The following SLC39A9 variants were observed in gnomAD, a reference collection of about 807,000 sequenced individuals.
SLC39A9 encodes the protein zinc transporter ZIP9.
Under a neutral mutation model 28.4 loss-of-function variants are expected in SLC39A9, and 14 were observed. That is an observed-to-expected ratio of 0.49 (90% CI 0.33 to 0.77). SLC39A9 has a LOEUF of 0.77. Among genes scored for constraint, SLC39A9 ranks in the 30% least tolerant of loss-of-function variants. The pLI is 0.02. For missense variants in SLC39A9, 283 were observed against 381.1 expected (o/e 0.74, Z 2.14); for synonymous variants, 119 against 149.6 (o/e 0.80, Z 1.49).
At chr14:69,411,589 A>T (rs1449276110) in intron 1 of SLC39A9, among the ~76,000 whole-genome samples, 1 of 152,166 alleles carries the variant, frequency 6.6e-6, no homozygotes, top group Non-Finnish European at 1.5e-5. Flanking sequence ...GTAGTTCTCC[A>T]TTTAAATAAA....
At chr14:69,408,491 G>T (rs1164575155) in intron 1 of SLC39A9, among the ~76,000 whole-genome samples, 1 of 152,200 alleles carries the variant, frequency 6.6e-6, no homozygotes, top group Non-Finnish European at 1.5e-5. Flanking sequence ...ATATATGGCA[G>T]CTGACCTTCA....
chr14:69,399,448 G>T lies in SLC39A9; in HGVS notation c.79G>T (p.Ala27Ser). Residue 27 changes from alanine (A) to serine (S), a missense_variant, in exon 1 of 7, where the codon GCT (alanine) becomes TCT (serine). Physicochemically the swap from Ala to Ser is moderately conservative, Grantham distance 99. Coordinates refer to ENST00000336643, the MANE Select transcript of SLC39A9 (RefSeq NM_018375.5). ...TTACGTGGCCGGAATCATTCCCTTG[G>T]CTGTTAATTTCTCAGAGGTAAGAAA... ...GCYVAGIIPL[A>S]VNFSEERLKL... 1 of 1,613,878 alleles carries T rather than the reference G, an allele frequency of 6.2e-7. No homozygotes were observed. Among genetic ancestry groups the T allele is most frequent in the South Asian group, 1.1e-5 (1 of 91,026 alleles).
intron 1 of SLC39A9, among the ~76,000 whole-genome samples, chr14:69,407,443 T>C (rs1594900436): frequency 6.6e-6 from 1 of 152,000 alleles, no homozygotes. Context: ...GTTCAAGTGA[T>C]TCTCCTGCCT....
intron 1 of SLC39A9, among the ~76,000 whole-genome samples, chr14:69,404,036 T>C (rs1159669284): frequency 6.6e-6 from 1 of 151,720 alleles, no homozygotes; most frequent in African/African-American, 2.4e-5. Context: ...AGAGCAAAAC[T>C]CCCTCTCAAA....
rs1488526641 is a variant in SLC39A9 at position 69,453,099 on chromosome 14, G to C, written c.404-142G>C. On this transcript the variant is annotated intron_variant, in intron 3 of 6. Coordinates refer to ENST00000336643, the MANE Select transcript of SLC39A9 (RefSeq NM_018375.5). ...CGCCTATCATCTCAACACTTTGGGAGGGTGAGGCGGGCGGATCATTGGAGG... is the reference window on the plus strand; with the variant it reads ...CGCCTATCATCTCAACACTTTGGGACGGTGAGGCGGGCGGATCATTGGAGG... The C allele has an allele frequency of 9.7e-6, 6 of 620,052 alleles. No individual in the cohort carries two copies. In the Admixed American group the frequency reaches 1.5e-4, roughly 15 times the overall value. 38.4% of individuals were successfully genotyped at this position (620,052 alleles called of 1,614,324 possible).
chr14:69,459,337 T>C lies in SLC39A9; in HGVS notation c.*744T>C, dbSNP rs1886012712. 1 of 985,338 alleles carries C rather than the reference T, an allele frequency of 1.0e-6. No homozygotes were observed. The highest frequency in any genetic ancestry group is 4.7e-5 in the South Asian group (1 of 21,286). The allele number at this position is 985,338 out of a possible 1,614,324, so 61.0% of individuals were successfully genotyped here. A position where few individuals can be genotyped will look rare whatever the true frequency, so the allele number is the denominator to read the frequency against. On this transcript the variant is annotated 3_prime_UTR_variant, in exon 7 of 7. Transcript: ENST00000336643. The stretch of plus-strand genomic sequence containing the variant: ...GACTGGTATTTTGTAGCATTCCTTG[T>C]CAAGTTCTCCTTTGCAGAATACCTG...
rs1434880921 is a variant in SLC39A9, at chr14:69,460,077, G to C, written c.*1484G>C. 1 of 982,118 alleles carries C rather than the reference G, an allele frequency of 1.0e-6. No homozygotes were observed. Among genetic ancestry groups the C allele is most frequent in the African/African-American group, 1.8e-5 (1 of 57,034 alleles). The allele number at this position is 982,118 out of a possible 1,614,324, so 60.8% of individuals were successfully genotyped here. A position where few individuals can be genotyped will look rare whatever the true frequency, so the allele number is the denominator to read the frequency against. ...ATTTGCCAAAATTTTTGTAAACCCT[G>C]TCTTGTCAAATAAGTGTATAATATT... is the stretch of plus-strand genomic sequence containing the variant. On this transcript the variant is annotated 3_prime_UTR_variant, in exon 7 of 7. Coordinates refer to ENST00000336643, the MANE Select transcript of SLC39A9 (RefSeq NM_018375.5).
chr14:69,425,836 A>AT lies in SLC39A9; in HGVS notation c.205+1643dup, dbSNP rs1281090762. ...CACTGCTATGCCTGACTAATGTTTA[A>AT]TTTTTTTTTGTAGAGATAGAGTCTC... is the stretch of plus-strand genomic sequence containing the variant. On this transcript the variant is annotated intron_variant, in intron 2 of 6. Coordinates refer to ENST00000336643, the MANE Select transcript of SLC39A9 (RefSeq NM_018375.5). Among the ~76,000 whole-genome samples, 8 of 151,032 alleles carry AT rather than the reference A, an allele frequency of 5.3e-5. No homozygotes were observed. The East Asian group carries it at 5.8e-4, about 11-fold the overall frequency.
At chr14:69,399,493 T>C (rs1278900710) in intron 1 of SLC39A9, 28 bp downstream of exon 1, 2 of 1,590,044 alleles carry the variant, frequency 1.3e-6, no homozygotes, top group Non-Finnish European at 1.7e-6. Context: ...TTCTGTCAGC[T>C]GTCAGGATGG....
At chr14:69,418,464 T>G (rs1883696043) in intron 1 of SLC39A9, among the ~76,000 whole-genome samples, 1 of 152,162 alleles carries the variant, frequency 6.6e-6, no homozygotes, top group South Asian at 2.1e-4. Flanking sequence ...TGCCAGGCTT[T>G]GGTATCAGGA....
intron 2 of SLC39A9, among the ~76,000 whole-genome samples, chr14:69,426,028 T>C (rs922613088): frequency 1.3e-5 from 2 of 152,146 alleles, no homozygotes; most frequent in Non-Finnish European, 2.9e-5. Flanking sequence ...AAAAACTCTC[T>C]CTAACCGTGT....
At chr14:69,433,983 C>G (rs1410912554) in intron 2 of SLC39A9, among the ~76,000 whole-genome samples, 1 of 152,058 alleles carries the variant, frequency 6.6e-6, no homozygotes, top group Non-Finnish European at 1.5e-5. Flanking sequence ...CGGGGTTTCA[C>G]CATGTTGGCC....
At position 69,460,153 on chromosome 14, in the gene SLC39A9, T is replaced by C; in HGVS notation, c.*1560T>C. 1.0e-6 allele frequency: 1 copy of C among 985,644 alleles called. No individual in the cohort carries two copies. Among genetic ancestry groups the C allele is most frequent in the Non-Finnish European group, 1.2e-6 (1 of 829,730 alleles). The allele number at this position is 985,644 out of a possible 1,614,324, so 61.1% of individuals were successfully genotyped here. A position where few individuals can be genotyped will look rare whatever the true frequency, so the allele number is the denominator to read the frequency against. On this transcript the variant is annotated 3_prime_UTR_variant, in exon 7 of 7. Coordinates refer to ENST00000336643, the MANE Select transcript of SLC39A9 (RefSeq NM_018375.5). The stretch of plus-strand genomic sequence containing the variant: ...TATACCATTTCAAAACACATTACAC[T>C]AAGGGGGAACCAAGACTAGTTTCTT...
intron 3 of SLC39A9, among the ~76,000 whole-genome samples, chr14:69,446,015 T>A (rs1254527639): frequency 2.1e-5 from 3 of 145,500 alleles, no homozygotes; most frequent in African/African-American, 7.8e-5. Flanking sequence ...AAACAAATAC[T>A]GAACTCGTTG....
chr14:69,441,465 A>G (rs1885046422), intron 2 of SLC39A9, among the ~76,000 whole-genome samples: 2 of 152,212 alleles, frequency 1.3e-5, no homozygotes, highest in South Asian at 4.1e-4. Context: ...CATTTACTGC[A>G]GTTCAGAGTC....
At chr14:69,412,403 AAAT>A (rs1883323922) in intron 1 of SLC39A9, among the ~76,000 whole-genome samples, 1 of 145,438 alleles carries the variant, frequency 6.9e-6, no homozygotes, top group Admixed American at 6.7e-5. Context: ...ATAAATAAAT[AAAT>A]AAATAAATAA....
Position 69,436,543 on chromosome 14 carries a change from G to A in SLC39A9, c.206-5526G>A, listed in dbSNP as rs181867430. Among the ~76,000 whole-genome samples, 156 of 152,268 alleles carry A rather than the reference G, an allele frequency of 1.0e-3. 1 individual carries two copies. Among genetic ancestry groups the A allele is most frequent in the Non-Finnish European group, 2.0e-3 (135 of 68,002 alleles). ...TAACCTATTTAGATTCAGCCTAAAA[G>A]TTCTGTTTTGTTTTTGTTTTTTGTT... is the stretch of plus-strand genomic sequence containing the variant. On this transcript the variant is annotated intron_variant, in intron 2 of 6. Transcript: ENST00000336643.
rs115241329 is a variant in SLC39A9 at position 69,412,939 on chromosome 14, T to C, written c.97-11155T>C. 4.7e-3 allele frequency among the ~76,000 whole-genome samples: 712 copies of C among 152,346 alleles called. 8 individuals carry two copies. Among genetic ancestry groups the C allele is most frequent in the African/African-American group, 0.016 (680 of 41,578 alleles). ...GATGATTCATTCAGATTTACCTTGA[T>C]GGTCTCATCCTACAAACTCAAATTC... On this transcript the variant is annotated intron_variant, in intron 1 of 6. Transcript: ENST00000336643.
chr14:69,425,249 A>G (rs1566914055), intron 2 of SLC39A9, among the ~76,000 whole-genome samples: 1 of 152,242 alleles, frequency 6.6e-6, no homozygotes, highest in African/African-American at 2.4e-5. Flanking sequence ...ATTATAAAAT[A>G]CACTCCTAAA....
Sources: gnomAD v4.1 joint callset for allele counts (sites outside exome capture counted in the v4.1 genomes callset) on GRCh38, gnomAD v4.1.1 for gene constraint, MANE v1.5 for transcripts, NCBI Gene and HGNC (gene_info 2026-07-23, HGNC 2026-07-21) for gene names.